TTC23L: variants seen among roughly 807,000 people sequenced by gnomAD.
The protein encoded by TTC23L is tetratricopeptide repeat domain 23 like.
Under a neutral mutation model 48.1 loss-of-function variants are expected in TTC23L, and 42 were observed. That is an observed-to-expected ratio of 0.87 (90% CI 0.68 to 1.13). The LOEUF (loss-of-function observed/expected upper bound fraction) is 1.13. Among genes scored for constraint, TTC23L ranks in the 50% most tolerant of loss-of-function variants. The pLI, the probability that TTC23L is intolerant of heterozygous loss-of-function variation, is 0.00. For missense variants in TTC23L, 391 were observed against 421.0 expected, an observed-to-expected ratio of 0.93 and a Z score of 0.62; for synonymous variants, 159 against 157.2, an observed-to-expected ratio of 1.01 and a Z score of -0.09.
At chr5:34,897,716 CCT>C (rs1307907450) in intron 10 of TTC23L, among the ~76,000 whole-genome samples, 3 of 152,020 alleles carry the variant, frequency 2.0e-5, no homozygotes, top group African/African-American at 7.2e-5. Flanking sequence ...AAAACCTTGC[CCT>C]GTCTTTAGAA....
chr5:34,840,469 A>G (rs936206223), intron 1 of TTC23L, among the ~76,000 whole-genome samples, 196 bp from the exon 2 acceptor site: 1 of 152,208 alleles, frequency 6.6e-6, no homozygotes, highest in African/African-American at 2.4e-5. Flanking sequence ...GGGGAAAGAA[A>G]TTTAACTTAG....
In TTC23L at chr5:34,852,340, C is replaced by T. The variant is rs551535621; in HGVS notation, c.379+2032C>T. On this transcript the variant is annotated intron_variant, in intron 4 of 10. Transcript: ENST00000505624. ...GTAGACCCAGGGGGTTAAGGTAGGA[C>T]GGAAGACACCTTAGGACAGACAGCT... Among the ~76,000 whole-genome samples, 33 of 152,178 alleles carry T rather than the reference C, an allele frequency of 2.2e-4. 1 individual carries two copies. The South Asian group carries it at 5.0e-3, about 23-fold the overall frequency.
At chr5:34,914,952 C>A in the TTC23L span, 2 of 1,572,808 alleles carry the variant, frequency 1.3e-6, no homozygotes, top group Admixed American at 1.7e-5. Flanking sequence ...CTCGGCGGAT[C>A]GCCAAACACC....
chr5:34,886,382 A>C (rs1464298049), intron 9 of TTC23L, among the ~76,000 whole-genome samples: 1 of 151,018 alleles, frequency 6.6e-6, no homozygotes, highest in African/African-American at 2.4e-5. Flanking sequence ...AAAAAAAAAA[A>C]ACGTTTTATC....
At position 34,882,005 on chromosome 5, in the gene TTC23L, C is replaced by T. The variant is rs139576233; in HGVS notation, c.1077+1697C>T. 8.6e-3 allele frequency among the ~76,000 whole-genome samples: 1,311 copies of T among 152,160 alleles called. 15 individuals are homozygous for T. The highest frequency in any genetic ancestry group is 0.031 in the African/African-American group (1,276 of 41,504). ...TCCCACCTCAAGTGACCGCCCGCCT[C>T]GGCCTCCCAAAGTGCTAAGATTAGA... is the stretch of plus-strand genomic sequence containing the variant. On this transcript the variant is annotated intron_variant, in intron 9 of 10. Coordinates refer to ENST00000505624, the Ensembl canonical transcript of TTC23L.
At chr5:34,858,052 T>A (rs150485445) in intron 4 of TTC23L, among the ~76,000 whole-genome samples, 1 of 152,154 alleles carries the variant, frequency 6.6e-6, no homozygotes, top group Non-Finnish European at 1.5e-5. Flanking sequence ...TAAAGCAAAA[T>A]GATTGATATG....
the TTC23L span, chr5:34,922,200 T>A: frequency 6.9e-7 from 1 of 1,446,932 alleles, no homozygotes; most frequent in Non-Finnish European, 9.6e-7. Context: ...CATTTTCCTA[T>A]ACTTTGCTTC....
At chr5:34,913,488 C>A in the TTC23L span, 2 of 1,583,658 alleles carry the variant, frequency 1.3e-6, no homozygotes, top group Non-Finnish European at 8.6e-7. Context: ...GGACTTGATC[C>A]AAAAATAGAT....
intron 9 of TTC23L, chr5:34,888,408 G>A: frequency 1.1e-6 from 1 of 912,590 alleles, no homozygotes; most frequent in East Asian, 1.2e-4. Flanking sequence ...CAGTTAAGGT[G>A]CTTGCTATCT....
Position 34,855,998 on chromosome 5 carries a change from TA to T in TTC23L, c.379+5694del, listed in dbSNP as rs1002640448. Among the ~76,000 whole-genome samples the T allele has an allele frequency of 9.9e-5, 15 of 152,158 alleles. 1 individual carries two copies. Among genetic ancestry groups the T allele is most frequent in the African/African-American group, 3.6e-4 (15 of 41,440 alleles). ...GTGTTACCTATTCAAAAATGATTAT[TA>T]AAAGACAGAGACCATTAAGAAGGAG... is the stretch of plus-strand genomic sequence containing the variant. On this transcript the variant is annotated intron_variant, in intron 4 of 10. Transcript: ENST00000505624.
intron 3 of TTC23L, among the ~76,000 whole-genome samples, chr5:34,848,369 A>G (rs1157623480): frequency 6.6e-6 from 1 of 151,160 alleles, no homozygotes; most frequent in African/African-American, 2.4e-5. Context: ...TAACCTTGCT[A>G]ATAAATGATT....
downstream of TTC23L, among the ~76,000 whole-genome samples, chr5:34,903,846 C>T (rs1763567875): frequency 6.6e-6 from 1 of 152,126 alleles, no homozygotes; most frequent in South Asian, 2.1e-4. Context: ...CAAGCACTGA[C>T]ATTTTTGAGG....
In TTC23L at chr5:34,888,281, G is replaced by T. The variant is rs143365808; in HGVS notation, c.1077+7973G>T. ...CAGATTTAGGATGCCATAAGCCTAG[G>T]TAGGGGCTACATCTTTGTTATCAGC... On this transcript the variant is annotated intron_variant, in intron 9 of 10. Transcript: ENST00000505624. 4.8e-4 allele frequency among the ~76,000 whole-genome samples: 73 copies of T among 152,326 alleles called. 1 individual carries two copies. Among genetic ancestry groups the T allele is most frequent in the African/African-American group, 1.7e-3 (70 of 41,576 alleles).
chr5:34,906,451 G>A, the TTC23L span: 3 of 151,874 alleles, frequency 2.0e-5, no homozygotes, highest in African/African-American at 7.3e-5. Flanking sequence ...TTAGCCTAGG[G>A]AACATAGTAA....
At chr5:34,865,610 C>T (rs1760993291) in intron 6 of TTC23L, among the ~76,000 whole-genome samples, 3 of 152,174 alleles carry the variant, frequency 2.0e-5, no homozygotes, top group Non-Finnish European at 4.4e-5. Context: ...TGTTAGAGTG[C>T]CTACTAAGTA....
the TTC23L span, chr5:34,920,037 A>C: frequency 3.8e-5 from 18 of 469,800 alleles, 1 homozygote; most frequent in African/African-American, 1.2e-4. Context: ...CCAAATTTTT[A>C]TCTCTCACAG....
At chr5:34,887,695 C>A (rs1409178729) in intron 9 of TTC23L, among the ~76,000 whole-genome samples, 1 of 151,902 alleles carries the variant, frequency 6.6e-6, no homozygotes, top group African/African-American at 2.4e-5. Flanking sequence ...TCTTAGAACG[C>A]AGAGTGAAAG....
At position 34,863,360 on chromosome 5, in the gene TTC23L, A is replaced by G. The variant is rs1286324910; in HGVS notation, c.536+306A>G. On this transcript the variant is annotated intron_variant, in intron 5 of 10. Coordinates refer to ENST00000505624, the Ensembl canonical transcript of TTC23L. The surrounding 1 kb of genome is among the most constrained non-coding windows in gnomAD (Gnocchi z 4.1). ...GCACCCAAGAAAATCAGTGTTAGCA[A>G]TGAGGATGAGGGTGGTGGTGGTGGT... Among the ~76,000 whole-genome samples the G allele has an allele frequency of 6.6e-6, 1 of 150,956 alleles. No homozygotes were observed. Among genetic ancestry groups the G allele is most frequent in the African/African-American group, 2.5e-5 (1 of 40,396 alleles).
At chr5:34,879,354 T>C (rs912417716) in intron 8 of TTC23L, among the ~76,000 whole-genome samples, 1 of 152,200 alleles carries the variant, frequency 6.6e-6, no homozygotes, top group African/African-American at 2.4e-5. Context: ...GGCAAAATTT[T>C]CCCATTGTTT....
Sources: allele counts gnomAD v4.1 joint callset (sites outside exome capture counted in the v4.1 genomes callset), GRCh38; gene constraint gnomAD v4.1.1; non-coding constraint Gnocchi (gnomAD v3.1); transcripts MANE v1.5; gene names NCBI Gene and HGNC (gene_info 2026-07-23, HGNC 2026-07-21).